The following DIAPH3 variants were observed in gnomAD, a reference collection of about 807,000 sequenced individuals.
DIAPH3 encodes diaphanous related formin 3.
DIAPH3 carries 117 observed loss-of-function variants against 144.3 expected under a neutral mutation model. The ratio of observed to expected loss-of-function variants is 0.81; its 90% CI spans 0.70 to 0.95. The LOEUF is 0.95. Among genes scored for constraint, DIAPH3 ranks in the 40% least tolerant of loss-of-function variants. DIAPH3 has a pLI of 0.00. For missense variants in DIAPH3, 1,421 were observed against 1,412.7 expected (o/e 1.01, Z -0.09); for synonymous variants, 519 against 488.9 (o/e 1.06, Z -0.81).
chr13:60,156,168 A>C (rs1474973836), intron 1 of DIAPH3, among the ~76,000 whole-genome samples: 1 of 152,206 alleles, frequency 6.6e-6, no homozygotes, highest in Non-Finnish European at 1.5e-5. Flanking sequence ...AGATGGCTGC[A>C]TTACCAATCT....
At chr13:59,815,484 T>C (rs2040720722) in intron 24 of DIAPH3, among the ~76,000 whole-genome samples, 1 of 152,146 alleles carries the variant, frequency 6.6e-6, no homozygotes, top group African/African-American at 2.4e-5. Flanking sequence ...AAAAAAGCTT[T>C]AGAAAAAAAC....
At chr13:60,097,984 T>A (rs550450932) in intron 3 of DIAPH3, among the ~76,000 whole-genome samples, 1 of 152,096 alleles carries the variant, frequency 6.6e-6, no homozygotes, top group Non-Finnish European at 1.5e-5. Context: ...GAGCTTTTTT[T>A]CCTAAAAAAT....
At chr13:59,864,991 G>T (rs886786937) in intron 21 of DIAPH3, among the ~76,000 whole-genome samples, 1 of 152,010 alleles carries the variant, frequency 6.6e-6, no homozygotes, top group African/African-American at 2.4e-5. Context: ...CAGAAAAGAA[G>T]CATGTTGTTG....
At chr13:60,162,767 A>T (rs1424302379) in intron 1 of DIAPH3, among the ~76,000 whole-genome samples, 1 of 151,362 alleles carries the variant, frequency 6.6e-6, no homozygotes, top group Non-Finnish European at 1.5e-5. Context: ...ACTTGCCCAC[A>T]TAAGGCAAAT....
chr13:59,716,341 A>G (rs903736805), intron 27 of DIAPH3, among the ~76,000 whole-genome samples: 1 of 152,004 alleles, frequency 6.6e-6, no homozygotes, highest in Non-Finnish European at 1.5e-5. Context: ...ACGCCCGGCT[A>G]ATTTTTTGTA....
intron 24 of DIAPH3, among the ~76,000 whole-genome samples, chr13:59,831,733 A>G (rs980143648): frequency 6.6e-6 from 1 of 151,852 alleles, no homozygotes; most frequent in Non-Finnish European, 1.5e-5. Context: ...ATCAGGCAGG[A>G]TATTTCTAGG....
At chr13:59,719,293 A>G (rs1276788761) in intron 27 of DIAPH3, among the ~76,000 whole-genome samples, 1 of 152,192 alleles carries the variant, frequency 6.6e-6, no homozygotes, top group Non-Finnish European at 1.5e-5. Context: ...AGAGAGCCAC[A>G]TTTTTACTTA....
chr13:59,988,346 T>A (rs938393458), intron 12 of DIAPH3, among the ~76,000 whole-genome samples: 9 of 151,910 alleles, frequency 5.9e-5, no homozygotes, highest in African/African-American at 2.2e-4. Context: ...AAAATCTAGA[T>A]GATGTATTTC....
At chr13:59,912,751 C>T (rs1010228436) in intron 19 of DIAPH3, among the ~76,000 whole-genome samples, 6 of 152,224 alleles carry the variant, frequency 3.9e-5, no homozygotes, top group African/African-American at 1.4e-4. Flanking sequence ...TGAATACAAA[C>T]TATAATTAAG....
At chr13:60,089,833 A>G (rs1477378223) in intron 4 of DIAPH3, among the ~76,000 whole-genome samples, 1 of 152,212 alleles carries the variant, frequency 6.6e-6, no homozygotes, top group African/African-American at 2.4e-5. Context: ...GGAGCGTCTT[A>G]AGGATGCTCC....
intron 19 of DIAPH3, among the ~76,000 whole-genome samples, chr13:59,915,447 C>T (rs1007518341): frequency 6.6e-6 from 1 of 151,926 alleles, no homozygotes; most frequent in Non-Finnish European, 1.5e-5. Context: ...CTTTTTATTG[C>T]TAAGTAATCA....
At chr13:60,003,792 G>A (rs1221086798) in intron 9 of DIAPH3, among the ~76,000 whole-genome samples, 1 of 151,930 alleles carries the variant, frequency 6.6e-6, no homozygotes, top group Non-Finnish European at 1.5e-5. Context: ...AGGTTAGCCA[G>A]GATGGTCTCA....
chr13:59,911,616 A>G (rs992898163), intron 20 of DIAPH3, 119 bp downstream of exon 20: 12 of 751,936 alleles, frequency 1.6e-5, no homozygotes, highest in Admixed American at 1.1e-4. Flanking sequence ...AAAAAGTAAG[A>G]TGGATATTAA....
At chr13:59,823,662 C>T (rs2041203867) in intron 24 of DIAPH3, among the ~76,000 whole-genome samples, 1 of 152,078 alleles carries the variant, frequency 6.6e-6, no homozygotes, top group South Asian at 2.1e-4. Flanking sequence ...GATTTAGGAG[C>T]ACACAGGAAA....
chr13:59,842,719 T>C (rs1360626647), intron 22 of DIAPH3, among the ~76,000 whole-genome samples: 1 of 152,126 alleles, frequency 6.6e-6, no homozygotes, highest in Non-Finnish European at 1.5e-5. Flanking sequence ...CACAATTCAC[T>C]AGAATGACTC....
At chr13:59,968,560 C>T (rs1001350271) in intron 17 of DIAPH3, among the ~76,000 whole-genome samples, 6 of 151,982 alleles carry the variant, frequency 3.9e-5, no homozygotes, top group African/African-American at 1.5e-4. Context: ...GAAAATTCTC[C>T]CTGTGTTCAA....
In DIAPH3 at chr13:60,163,634, G is replaced by A; in HGVS notation, c.133C>T (p.Pro45Ser). The A allele has an allele frequency of 6.2e-7, 1 of 1,606,594 alleles. No individual in the cohort carries two copies. The highest frequency in any genetic ancestry group is 8.5e-7 in the Non-Finnish European group (1 of 1,174,702). Residue 45 changes from proline to serine, a missense_variant, in exon 1 of 28, where the codon CCG becomes TCG. Coordinates refer to ENST00000400324, the MANE Select transcript of DIAPH3 (RefSeq NM_001042517.2). ...MPRRKGPQHPPPPSGPEEPGE... is the reference protein window; with the variant it reads ...MPRRKGPQHPSPPSGPEEPGE... ...GGCTCCTCGGGGCCACTGGGCGGCG[G>A]AGGGTGTTGGGGGCCCTTCCTGCGC...
intron 27 of DIAPH3, among the ~76,000 whole-genome samples, chr13:59,670,282 G>A (rs2138583117): frequency 6.6e-6 from 1 of 151,578 alleles, no homozygotes; most frequent in East Asian, 1.9e-4. Flanking sequence ...GACCACTGAA[G>A]AAATAAAAAA....
In DIAPH3 at chr13:59,801,372, G is replaced by T. The variant is rs557309239; in HGVS notation, c.3163+9416C>A. On this transcript the variant is annotated intron_variant, in intron 25 of 27. Coordinates refer to ENST00000400324, the MANE Select transcript of DIAPH3 (RefSeq NM_001042517.2). ...AATGACTTTGGAGGGAATCTATCCA[G>T]TTTCCTAAAGCAGTGATCCTTTACA... Among the ~76,000 whole-genome samples, 21 of 152,292 alleles carry T rather than the reference G, an allele frequency of 1.4e-4. 1 individual carries two copies. The highest frequency in any genetic ancestry group is 5.1e-4 in the African/African-American group (21 of 41,564).
Sources: gnomAD v4.1 joint callset for allele counts (sites outside exome capture counted in the v4.1 genomes callset) on GRCh38, gnomAD v4.1.1 for gene constraint, MANE v1.5 for transcripts, NCBI Gene and HGNC (gene_info 2026-07-23, HGNC 2026-07-21) for gene names.